PTPRG: variants seen among roughly 807,000 people sequenced by gnomAD.
PTPRG encodes the protein protein tyrosine phosphatase receptor type G, also known as receptor-type tyrosine-protein phosphatase gamma.
PTPRG carries 102 observed loss-of-function variants against 165.3 expected under a neutral mutation model. The observed-to-expected ratio is 0.62, with a 90% CI of 0.53 to 0.73. The LOEUF (loss-of-function observed/expected upper bound fraction) is 0.73, where lower values mean the gene tolerates loss of function less well. Among genes scored for constraint, PTPRG ranks in the 30% least tolerant of loss-of-function variants. The pLI is 0.00. For synonymous variants in PTPRG, 675 were observed against 669.5 expected, an observed-to-expected ratio of 1.01 and a Z score of -0.13; for missense variants, 1,866 against 1,861.4, an observed-to-expected ratio of 1.00 and a Z score of -0.05.
intron 1 of PTPRG, among the ~76,000 whole-genome samples, chr3:61,746,237 G>A (rs1404130416): frequency 2.8e-5 from 1 of 36,320 alleles, no homozygotes; most frequent in African/African-American, 1.1e-4. Flanking sequence ...TTTTTTTTTT[G>A]AGACAGAATC....
chr3:62,148,497 C>T (rs904141957), intron 6 of PTPRG, among the ~76,000 whole-genome samples: 7 of 152,152 alleles, frequency 4.6e-5, no homozygotes, highest in African/African-American at 1.7e-4. Context: ...TGGGTGCCCA[C>T]GACTATAATC....
intron 28 of PTPRG, among the ~76,000 whole-genome samples, chr3:62,284,209 A>G (rs1444789504): frequency 2.0e-5 from 3 of 152,146 alleles, no homozygotes; most frequent in African/African-American, 7.2e-5. Context: ...ACCTAATCTT[A>G]TATTTTAGGG....
At chr3:61,877,860 A>T (rs2037786302) in intron 2 of PTPRG, among the ~76,000 whole-genome samples, 2 of 152,200 alleles carry the variant, frequency 1.3e-5, no homozygotes, top group African/African-American at 2.4e-5. Context: ...TAGGAAGAAG[A>T]AGTTGTATTT....
chr3:62,199,840 A>G (rs551555395), intron 10 of PTPRG, among the ~76,000 whole-genome samples: 1 of 152,362 alleles, frequency 6.6e-6, no homozygotes, highest in East Asian at 1.9e-4. Flanking sequence ...CCAAAAGGTG[A>G]AAGCAACCTA....
chr3:61,984,106 G>C (rs1271229277), intron 2 of PTPRG, among the ~76,000 whole-genome samples: 1 of 152,060 alleles, frequency 6.6e-6, no homozygotes, highest in Non-Finnish European at 1.5e-5. Context: ...CCAATTGTGT[G>C]ATTTATTCTC....
At chr3:61,979,747 A>G (rs1213412217) in intron 2 of PTPRG, among the ~76,000 whole-genome samples, 3 of 152,166 alleles carry the variant, frequency 2.0e-5, no homozygotes, top group African/African-American at 7.2e-5. Context: ...ATGTCTAGAC[A>G]TTTCCCCAGA....
intron 23 of PTPRG, among the ~76,000 whole-genome samples, chr3:62,274,782 T>G (rs1015145182): frequency 2.0e-5 from 3 of 152,168 alleles, no homozygotes; most frequent in African/African-American, 7.2e-5. Context: ...CCATTAACAT[T>G]CTACTATAAA....
intron 8 of PTPRG, among the ~76,000 whole-genome samples, chr3:62,189,650 T>A (rs1341023104): frequency 6.6e-6 from 1 of 152,210 alleles, no homozygotes; most frequent in Non-Finnish European, 1.5e-5. Context: ...CATTCCTCCC[T>A]GGTCTTCCAG....
chr3:61,658,251 G>C (rs1702563201), intron 1 of PTPRG, among the ~76,000 whole-genome samples: 2 of 152,194 alleles, frequency 1.3e-5, no homozygotes, highest in African/African-American at 4.8e-5. Flanking sequence ...CGGTGCCTGT[G>C]GATTCAGGAC....
rs530207865 is a variant in PTPRG at position 62,190,838 on chromosome 3, C to A, written c.1034-631C>A. On this transcript the variant is annotated intron_variant, in intron 8 of 29. Transcript: ENST00000474889. This position sits in a 1 kb window ranked among gnomAD's most constrained non-coding sequence, Gnocchi z 5.2. The stretch of plus-strand genomic sequence containing the variant: ...CCATGAGGCTGAAGTCAGGGGGACA[C>A]AGTGATTAAGGATCTTTTGGAGACA... 6.6e-6 allele frequency among the ~76,000 whole-genome samples: 1 copy of A among 152,278 alleles called. No homozygotes were observed. The highest frequency in any genetic ancestry group is 2.1e-4 in the South Asian group (1 of 4,822).
At position 62,115,290 on chromosome 3, in the gene PTPRG, A is replaced by C. The variant is rs191812380; in HGVS notation, c.616-17312A>C. Among the ~76,000 whole-genome samples, 10 of 152,302 alleles carry C rather than the reference A, an allele frequency of 6.6e-5. No homozygotes were observed. In the East Asian group the frequency reaches 1.7e-3, roughly 26 times the overall value. ...TGGTTTATCTTCTCAACATTAATGC[A>C]GATGACTAGAAATCACACATGAAAA... On this transcript the variant is annotated intron_variant, in intron 5 of 29. Transcript: ENST00000474889.
At chr3:61,623,773 G>A (rs1701530172) in intron 1 of PTPRG, among the ~76,000 whole-genome samples, 1 of 152,160 alleles carries the variant, frequency 6.6e-6, no homozygotes. Flanking sequence ...GTTGCTGTTT[G>A]TAGAAGTCAC....
intron 5 of PTPRG, among the ~76,000 whole-genome samples, chr3:62,100,071 T>C (rs1702239375): frequency 6.6e-6 from 1 of 152,058 alleles, no homozygotes; most frequent in Non-Finnish European, 1.5e-5. Context: ...TGGATAAATC[T>C]TTTAATAATG....
intron 5 of PTPRG, among the ~76,000 whole-genome samples, chr3:62,081,048 G>C (rs1015361603): frequency 6.6e-6 from 1 of 151,856 alleles, no homozygotes; most frequent in Admixed American, 6.6e-5. Context: ...ACTAGTTCAG[G>C]AGATCGAGAC....
At chr3:62,242,392 TG>T (rs1410667594) in intron 14 of PTPRG, among the ~76,000 whole-genome samples, 1 of 152,212 alleles carries the variant, frequency 6.6e-6, no homozygotes, top group Non-Finnish European at 1.5e-5. Flanking sequence ...TGTCAAGAGT[TG>T]TAGTAACTGA....
chr3:61,862,783 T>C (rs1229318230), intron 2 of PTPRG, among the ~76,000 whole-genome samples: 1 of 152,188 alleles, frequency 6.6e-6, no homozygotes, highest in Non-Finnish European at 1.5e-5. Context: ...TAAAAATCTA[T>C]TTCAGGGAGT....
chr3:61,685,650 C>G (rs35593839), intron 1 of PTPRG, among the ~76,000 whole-genome samples: 55 of 152,194 alleles, frequency 3.6e-4, no homozygotes, highest in Non-Finnish European at 7.5e-4. Flanking sequence ...GTAGCAAGTT[C>G]TTTGCTGAAG....
At chr3:61,658,069 C>T (rs1160625773) in intron 1 of PTPRG, among the ~76,000 whole-genome samples, 1 of 152,112 alleles carries the variant, frequency 6.6e-6, no homozygotes, top group African/African-American at 2.4e-5. Context: ...AGCTCCAGGC[C>T]ATGGGATGAA....
intron 1 of PTPRG, among the ~76,000 whole-genome samples, chr3:61,666,437 G>C (rs980825851): frequency 2.0e-5 from 3 of 152,206 alleles, no homozygotes; most frequent in Non-Finnish European, 4.4e-5. Context: ...TGACAAGCTT[G>C]TGTTCAGTTC....
Sources: gnomAD v4.1 joint callset for allele counts (sites outside exome capture counted in the v4.1 genomes callset) on GRCh38, gnomAD v4.1.1 for gene constraint, Gnocchi (gnomAD v3.1) non-coding constraint, MANE v1.5 for transcripts, NCBI Gene and HGNC (gene_info 2026-07-23, HGNC 2026-07-21) for gene names.